The following RAB6A variants were observed in gnomAD, a reference collection of about 807,000 sequenced individuals.
RAB6A encodes ras-related protein Rab-6A.
Under a neutral mutation model 32.3 loss-of-function variants are expected in RAB6A, and 8 were observed. The ratio of observed to expected loss-of-function variants is 0.25; its 90% CI spans 0.15 to 0.45. The LOEUF (loss-of-function observed/expected upper bound fraction) is 0.45, where lower values mean the gene tolerates loss of function less well. Among genes scored for constraint, RAB6A ranks in the 20% least tolerant of loss-of-function variants. The pLI is 1.00. For synonymous variants in RAB6A, 73 were observed against 82.1 expected, an observed-to-expected ratio of 0.89 and a Z score of 0.60; for missense variants, 104 against 249.4, an observed-to-expected ratio of 0.42 and a Z score of 3.93.
intron 6 of RAB6A, among the ~76,000 whole-genome samples, chr11:73,689,038 A>G (rs1486104518): frequency 6.6e-6 from 1 of 152,052 alleles, no homozygotes; most frequent in Non-Finnish European, 1.5e-5. Context: ...TGGGAAGAGC[A>G]TTTGAGCCCA....
At chr11:73,739,280 A>ATATATATATAT (rs1389085059) in intron 1 of RAB6A, among the ~76,000 whole-genome samples, 15 of 18,412 alleles carry the variant, frequency 8.1e-4, no homozygotes, top group African/African-American at 1.7e-3. Context: ...AAAAAAAAAA[A>ATATATATATAT]AAAAATATAT....
Position 73,756,660 on chromosome 11 carries a change from T to C in RAB6A, c.70+3906A>G, listed in dbSNP as rs116734060. 5.3e-3 allele frequency among the ~76,000 whole-genome samples: 801 copies of C among 152,214 alleles called. 7 individuals carry two copies. Among genetic ancestry groups the C allele is most frequent in the African/African-American group, 0.018 (727 of 41,534 alleles). On this transcript the variant is annotated intron_variant, in intron 1 of 7. Transcript: ENST00000336083. ...ACAGACTCCTCAAGGAAACTTCCAA[T>C]TGTGTATTTCAACATTCCTTTATTT...
At chr11:73,702,058 C>G (rs1397189385) in intron 6 of RAB6A, among the ~76,000 whole-genome samples, 1 of 152,208 alleles carries the variant, frequency 6.6e-6, no homozygotes, top group Non-Finnish European at 1.5e-5. Flanking sequence ...TAACAGCTGA[C>G]AGAACTAATC....
chr11:73,709,963 T>TATATA (rs200611952), intron 5 of RAB6A, among the ~76,000 whole-genome samples: 4,543 of 49,538 alleles, frequency 0.092, 92 homozygotes, highest in Admixed American at 0.1. Flanking sequence ...ATATATATAT[T>TATATA]TTTTTTTTTT....
intron 6 of RAB6A, among the ~76,000 whole-genome samples, chr11:73,697,816 T>C (rs1277367590): frequency 6.6e-6 from 1 of 152,236 alleles, no homozygotes; most frequent in Non-Finnish European, 1.5e-5. Context: ...CAGGAGGTGA[T>C]CAACAAATAT....
At chr11:73,700,607 T>TGGGGGGGGGGGGGG (rs1565352763) in intron 6 of RAB6A, among the ~76,000 whole-genome samples, 1 of 2,148 alleles carries the variant, frequency 4.7e-4, no homozygotes, top group African/African-American at 2.7e-3. Flanking sequence ...AAAGTGTGTG[T>TGGGGGGGGGGGGGG]GTGGGGGGGG....
intron 1 of RAB6A, among the ~76,000 whole-genome samples, chr11:73,738,870 G>C (rs1408572360): frequency 6.6e-6 from 1 of 151,750 alleles, no homozygotes; most frequent in Non-Finnish European, 1.5e-5. Context: ...CTTGAGCCTG[G>C]GAGTCGGAGG....
intron 5 of RAB6A, 89 bp downstream of exon 5, chr11:73,716,162 T>C (rs987932931): frequency 2.0e-6 from 2 of 990,152 alleles, no homozygotes; most frequent in East Asian, 2.5e-5. Flanking sequence ...ATTAAGCATG[T>C]CTCCTTTCAA....
At chr11:73,710,194 C>T (rs1375624896) in intron 5 of RAB6A, among the ~76,000 whole-genome samples, 9 of 149,028 alleles carry the variant, frequency 6.0e-5, no homozygotes, top group Non-Finnish European at 1.0e-4. Context: ...TCTCGATCTC[C>T]GGACCTCGTG....
At chr11:73,695,260 A>G (rs1278251425) in intron 6 of RAB6A, among the ~76,000 whole-genome samples, 1 of 152,122 alleles carries the variant, frequency 6.6e-6, no homozygotes, top group Non-Finnish European at 1.5e-5. Context: ...TTAAATGCCA[A>G]TGATATGCTA....
rs561269918 is a variant in RAB6A at position 73,719,450 on chromosome 11, G to A, written c.184-732C>T. On this transcript the variant is annotated intron_variant, in intron 3 of 7. Transcript: ENST00000336083. ...AGAACATGCGAGTGTGTGCGCGCAC[G>A]CATGCACGCGTGTGTGTGTATAATG... Among the ~76,000 whole-genome samples, 8 of 152,240 alleles carry A rather than the reference G, an allele frequency of 5.3e-5. 1 individual carries two copies. The highest frequency in any genetic ancestry group is 2.1e-4 in the South Asian group (1 of 4,826).
At chr11:73,710,736 T>TG (rs1945943849) in intron 5 of RAB6A, among the ~76,000 whole-genome samples, 1 of 148,810 alleles carries the variant, frequency 6.7e-6, no homozygotes, top group African/African-American at 2.5e-5. Flanking sequence ...GACTCAGTCT[T>TG]GAAAAAAAAA....
At chr11:73,746,005 A>C (rs751073941) in intron 1 of RAB6A, among the ~76,000 whole-genome samples, 3 of 151,902 alleles carry the variant, frequency 2.0e-5, no homozygotes, top group Non-Finnish European at 4.4e-5. Context: ...CTCAAAAAAA[A>C]AAAGAAAGAA....
intron 1 of RAB6A, chr11:73,759,950 T>A: frequency 2.5e-4 from 228 of 912,590 alleles, no homozygotes; most frequent in Non-Finnish European, 3.1e-4. Context: ...CACCCCATGC[T>A]CAAGTCGTCT....
intron 2 of RAB6A, 58 bp from the exon 3 acceptor site, chr11:73,720,957 A>G: frequency 8.1e-7 from 1 of 1,227,518 alleles, no homozygotes; most frequent in Non-Finnish European, 1.2e-6. Context: ...CCAGCAGTTT[A>G]GGATTCAAAT....
At chr11:73,735,353 C>A (rs1441147765) in intron 1 of RAB6A, among the ~76,000 whole-genome samples, 1 of 152,150 alleles carries the variant, frequency 6.6e-6, no homozygotes, top group Non-Finnish European at 1.5e-5. Flanking sequence ...ACTTATATTT[C>A]TTCCTTTTAA....
At chr11:73,683,356 A>C (rs1242292878) in intron 6 of RAB6A, among the ~76,000 whole-genome samples, 1 of 149,944 alleles carries the variant, frequency 6.7e-6, no homozygotes, top group East Asian at 2.0e-4. Flanking sequence ...CATGGGCTCA[A>C]GTAATCCTCC....
chr11:73,705,514 C>T (rs1169862164), intron 6 of RAB6A, among the ~76,000 whole-genome samples: 5 of 152,054 alleles, frequency 3.3e-5, no homozygotes, highest in Non-Finnish European at 5.9e-5. Flanking sequence ...CACCACTGCA[C>T]TCAGCCTGGC....
chr11:73,730,599 C>A, intron 2 of RAB6A, 166 bp downstream of exon 2: 1 of 585,474 alleles, frequency 1.7e-6, no homozygotes, highest in South Asian at 2.4e-5. Context: ...AAAAGTTTAT[C>A]CTAGGACTGG....
Sources: gnomAD v4.1 joint callset for allele counts (sites outside exome capture counted in the v4.1 genomes callset) on GRCh38, gnomAD v4.1.1 for gene constraint, MANE v1.5 for transcripts, NCBI Gene and HGNC (gene_info 2026-07-23, HGNC 2026-07-21) for gene names.